The following KHDRBS1 variants were observed in gnomAD, a reference collection of about 807,000 sequenced individuals.
KHDRBS1 encodes KH domain-containing, RNA-binding, signal transduction-associated protein 1.
KHDRBS1 carries 7 observed loss-of-function variants against 48.4 expected under a neutral mutation model. That is an observed-to-expected ratio of 0.14 (90% CI 0.08 to 0.27). The LOEUF (loss-of-function observed/expected upper bound fraction) is 0.27, where lower values mean the gene tolerates loss of function less well. Among genes scored for constraint, KHDRBS1 ranks in the 10% least tolerant of loss-of-function variants. The pLI, the probability that KHDRBS1 is intolerant of heterozygous loss-of-function variation, is 1.00. For synonymous variants in KHDRBS1, 241 were observed against 235.8 expected (o/e 1.02, Z -0.20); for missense variants, 458 against 601.2 (o/e 0.76, Z 2.49).
At chr1:32,029,494 C>T (rs949748346) in intron 1 of KHDRBS1, among the ~76,000 whole-genome samples, 2 of 152,000 alleles carry the variant, frequency 1.3e-5, no homozygotes, top group African/African-American at 4.8e-5. Context: ...CCCTTCTCTA[C>T]TAAAGATACA....
chr1:32,021,762 G>C (rs184644832), intron 1 of KHDRBS1, among the ~76,000 whole-genome samples: 2 of 151,828 alleles, frequency 1.3e-5, no homozygotes, highest in African/African-American at 2.4e-5. Context: ...GATTACAGGC[G>C]CATGACACCA....
At chr1:32,032,967 C>A (rs1639109362) in intron 3 of KHDRBS1, among the ~76,000 whole-genome samples, 1 of 152,308 alleles carries the variant, frequency 6.6e-6, no homozygotes, top group South Asian at 2.1e-4. Context: ...GGATTATAGG[C>A]GTGAGCCACC....
intron 1 of KHDRBS1, among the ~76,000 whole-genome samples, chr1:32,015,264 C>T (rs1259829429): frequency 6.6e-6 from 1 of 152,134 alleles, no homozygotes. Context: ...CGCTCTTTTC[C>T]TCATCAGCAC....
chr1:32,054,858 G>A (rs574664810), intron 10 of KHDRBS1, among the ~76,000 whole-genome samples: 17 of 152,136 alleles, frequency 1.1e-4, no homozygotes, highest in Non-Finnish European at 2.2e-4. Flanking sequence ...GCCTAGGGAA[G>A]CCAAAAGATT....
intron 10 of KHDRBS1, among the ~76,000 whole-genome samples, chr1:32,054,041 G>A (rs947076885): frequency 3.9e-5 from 6 of 151,922 alleles, no homozygotes; most frequent in Non-Finnish European, 8.8e-5. Context: ...CCAAGATAGC[G>A]CCATTGCACA....
rs180913594 is a variant in KHDRBS1 at position 32,029,221 on chromosome 1, T to C, written c.383-1077T>C. ...CTTAACCCGCGAATTGAAAGTACTTTTAGGTGATGATGGATATGTCTGTGC... is the reference window on the plus strand; with the variant it reads ...CTTAACCCGCGAATTGAAAGTACTTCTAGGTGATGATGGATATGTCTGTGC... On this transcript the variant is annotated intron_variant, in intron 1 of 8. Transcript: ENST00000327300. Among the ~76,000 whole-genome samples, 606 of 152,304 alleles carry C rather than the reference T, an allele frequency of 4.0e-3. 3 individuals are homozygous for C. Among genetic ancestry groups the C allele is most frequent in the Non-Finnish European group, 6.6e-3 (451 of 68,032 alleles).
chr1:32,057,552 G>A (rs1291974856), intron 10 of KHDRBS1, among the ~76,000 whole-genome samples: 6 of 150,656 alleles, frequency 4.0e-5, no homozygotes, highest in Non-Finnish European at 5.9e-5. Flanking sequence ...TGTAACCCCA[G>A]CACTTTGGGA....
At chr1:32,045,490 T>C (rs1639346187), downstream of KHDRBS1, 1 of 152,640 alleles carries the variant, frequency 6.6e-6, no homozygotes. Context: ...AATGGGTTAA[T>C]CTTTTTTGTG....
At position 32,014,128 on chromosome 1, in the gene KHDRBS1, C is replaced by T. The variant is rs1029097851; in HGVS notation, c.133C>T (p.Arg45Trp). The T allele has an allele frequency of 3.7e-6, 5 of 1,367,270 alleles. No homozygotes were observed. Among genetic ancestry groups the T allele is most frequent in the South Asian group, 3.5e-5 (2 of 57,430 alleles). 84.7% of individuals were successfully genotyped at this position (1,367,270 alleles called of 1,614,324 possible). The change falls in exon 1 of 9, where the codon CGG becomes TGG. Residue 45 changes from arginine (R) to tryptophan (W), a missense_variant. Around this residue, in one of 3 missense-constraint regions of KHDRBS1, gnomAD observed 213 missense variants for 215.6 expected, o/e 0.99. Transcript: ENST00000327300. The stretch of plus-strand genomic sequence containing the variant: ...GCAGCCGCCGCTGCCTCACCGGTCC[C>T]GGGGAGGCGGAGGGGGATCCCGCGG... ...SRQPPLPHRSRGGGGGSRGGA... is the reference protein window; with the variant it reads ...SRQPPLPHRSWGGGGGSRGGA...
chr1:32,045,973 T>C (rs192845790), downstream of KHDRBS1, among the ~76,000 whole-genome samples: 31 of 152,172 alleles, frequency 2.0e-4, no homozygotes, highest in Admixed American at 1.9e-3. Context: ...AGTTGGTGAG[T>C]TGTTAGGAAA....
At chr1:32,028,947 A>C (rs1003837491) in intron 1 of KHDRBS1, among the ~76,000 whole-genome samples, 1 of 152,056 alleles carries the variant, frequency 6.6e-6, no homozygotes, top group Admixed American at 6.6e-5. Context: ...TGGGAACTCC[A>C]GTATATAAAC....
chr1:32,052,066 T>G (rs1415912670), intron 10 of KHDRBS1, among the ~76,000 whole-genome samples: 1 of 152,182 alleles, frequency 6.6e-6, no homozygotes. Flanking sequence ...ATAGGGAAAA[T>G]AGGCAGCTTT....
Position 32,038,535 on chromosome 1 carries a change from T to C in KHDRBS1, c.1108-17T>C. ...ATTTTGATCTTTTATTTCATTTTTTTGTTGTTGTTGTTCTAGGGATATGAT... is the reference window on the plus strand; with the variant it reads ...ATTTTGATCTTTTATTTCATTTTTTCGTTGTTGTTGTTCTAGGGATATGAT... On this transcript the variant is annotated splice_polypyrimidine_tract_variant and intron_variant, in intron 6 of 8. Transcript: ENST00000327300. 1.2e-6 allele frequency: 2 copies of C among 1,609,796 alleles called. No individual in the cohort carries two copies. Among genetic ancestry groups the C allele is most frequent in the African/African-American group, 2.7e-5 (2 of 74,952 alleles).
chr1:32,054,815 TTA>T (rs1639461539), intron 10 of KHDRBS1, among the ~76,000 whole-genome samples: 1 of 152,232 alleles, frequency 6.6e-6, no homozygotes, highest in South Asian at 2.1e-4. Flanking sequence ...TTAGTGTATT[TTA>T]TGTGTGCCCC....
At chr1:32,038,969 G>C (rs1333299844) in intron 7 of KHDRBS1, among the ~76,000 whole-genome samples, 3 of 152,200 alleles carry the variant, frequency 2.0e-5, no homozygotes, top group Non-Finnish European at 4.4e-5. Flanking sequence ...TTTCCAAGCT[G>C]TGACTACATG....
intron 5 of KHDRBS1, 27 bp from the exon 6 acceptor site, chr1:32,037,808 C>A (rs745383769): frequency 6.2e-7 from 1 of 1,604,348 alleles, no homozygotes; most frequent in Non-Finnish European, 8.5e-7. Flanking sequence ...TAAAAAGCTC[C>A]ATTTAAGATA....
At chr1:32,054,804 G>A (rs1057221287) in intron 10 of KHDRBS1, among the ~76,000 whole-genome samples, 3 of 152,104 alleles carry the variant, frequency 2.0e-5, no homozygotes, top group Admixed American at 6.6e-5. Context: ...ATCGGCTGTC[G>A]TTAGTGTATT....
intron 8 of KHDRBS1, among the ~76,000 whole-genome samples, chr1:32,040,422 A>G (rs751336442): frequency 2.3e-4 from 35 of 152,126 alleles, no homozygotes; most frequent in Non-Finnish European, 4.0e-4. Context: ...AAAAAAAAAA[A>G]TAGTGCCTAT....
chr1:32,045,144 T>C (rs888184557), downstream of KHDRBS1, among the ~76,000 whole-genome samples: 14 of 152,114 alleles, frequency 9.2e-5, no homozygotes, highest in Non-Finnish European at 1.5e-4. Context: ...TATTTAAAAC[T>C]GTGTAAGGAT....
Sources: gnomAD v4.1 joint callset for allele counts (sites outside exome capture counted in the v4.1 genomes callset) on GRCh38, gnomAD v4.1.1 for gene constraint, gnomAD v4.1.1 regional missense constraint, MANE v1.5 for transcripts, NCBI Gene and HGNC (gene_info 2026-07-23, HGNC 2026-07-21) for gene names.